The following RHOBTB2 variants were observed in gnomAD, a reference collection of about 807,000 sequenced individuals.
RHOBTB2 encodes rho-related BTB domain-containing protein 2.
A neutral mutation model predicts 66.5 loss-of-function variants in RHOBTB2; 39 were observed. The observed-to-expected ratio is 0.59, with a 90% confidence interval of 0.45 to 0.77. The LOEUF (loss-of-function observed/expected upper bound fraction) is 0.77. Ranked by LOEUF, RHOBTB2 falls within the 30% of genes least tolerant of loss-of-function variation. RHOBTB2 has a pLI of 0.00. For synonymous variants in RHOBTB2, 390 were observed against 395.0 expected (o/e 0.99, Z 0.15); for missense variants, 755 against 999.1 (o/e 0.76, Z 3.29).
At chr8:22,966,352 CA>C in the RHOBTB2 span, among the ~76,000 whole-genome samples, 6 of 147,294 alleles carry the variant, frequency 4.1e-5, no homozygotes, top group Non-Finnish European at 7.5e-5. Context: ...GACTTTGTCT[CA>C]AAAAAAAAGA....
At chr8:22,963,810 T>C in the RHOBTB2 span, among the ~76,000 whole-genome samples, 3 of 151,982 alleles carry the variant, frequency 2.0e-5, no homozygotes, top group Admixed American at 6.6e-5. Flanking sequence ...AGACAGAGTT[T>C]TGCTCTTGTT....
chr8:22,987,956 C>T (rs1264326352), intron 1 of RHOBTB2, among the ~76,000 whole-genome samples: 1 of 152,022 alleles, frequency 6.6e-6, no homozygotes, highest in East Asian at 1.9e-4. Context: ...CGGAAGGCCC[C>T]CAAGATCAAG....
chr8:22,980,720 A>G, the RHOBTB2 span, among the ~76,000 whole-genome samples: 1 of 152,194 alleles, frequency 6.6e-6, no homozygotes, highest in Admixed American at 6.5e-5. Context: ...TCCAACACCA[A>G]GTTTTTTTAA....
the RHOBTB2 span, among the ~76,000 whole-genome samples, chr8:22,969,664 C>T: frequency 6.6e-6 from 1 of 151,902 alleles, no homozygotes; most frequent in African/African-American, 2.4e-5. Context: ...TAAGGAAATG[C>T]CCAAGTATAA....
chr8:22,979,429 T>C, the RHOBTB2 span, among the ~76,000 whole-genome samples: 1 of 152,156 alleles, frequency 6.6e-6, no homozygotes, highest in African/African-American at 2.4e-5. Flanking sequence ...TTCTATCCTT[T>C]GTGTATGAAT....
rs773683352 is a variant in RHOBTB2 at position 23,007,367 on chromosome 8, C to T, written c.1122C>T (p.Asn374=). The change falls in exon 5 of 10, where the codon AAC becomes AAT. Residue 374 remains asparagine (N), a synonymous_variant. Transcript: ENST00000251822. ...CCAGCGACGGGATCTTACGGGGCAA[C>T]GGAACAGGGTACCTACCGGGCAGGG... The part of the protein sequence containing the change: ...ASTSDGILRG[N]GTGYLPGRGR... 5.5e-5 allele frequency: 88 copies of T among 1,613,694 alleles called. 1 individual carries two copies. The highest frequency in any genetic ancestry group is 4.3e-4 in the South Asian group (39 of 91,056).
chr8:22,982,654 C>A (rs1810230590), upstream of RHOBTB2, among the ~76,000 whole-genome samples: 1 of 152,152 alleles, frequency 6.6e-6, no homozygotes. Flanking sequence ...TGCACTCCAG[C>A]CTGAGAGACA....
At chr8:22,965,138 C>A in the RHOBTB2 span, among the ~76,000 whole-genome samples, 1 of 152,076 alleles carries the variant, frequency 6.6e-6, no homozygotes, top group Non-Finnish European at 1.5e-5. Flanking sequence ...TTTAGAATCT[C>A]ATTTCTAGGC....
chr8:23,013,013 G>A (rs1184620234), intron 7 of RHOBTB2, among the ~76,000 whole-genome samples: 1 of 151,734 alleles, frequency 6.6e-6, no homozygotes, highest in Non-Finnish European at 1.5e-5. Context: ...TGGCCAGGCT[G>A]GTCTTGAACT....
the RHOBTB2 span, among the ~76,000 whole-genome samples, chr8:22,954,818 A>G: frequency 6.6e-6 from 1 of 152,246 alleles, no homozygotes; most frequent in African/African-American, 2.4e-5. Context: ...ATCTAAAACA[A>G]AAACCTTTTC....
the RHOBTB2 span, among the ~76,000 whole-genome samples, chr8:22,967,527 G>A: frequency 4.4e-3 from 621 of 141,098 alleles, 3 homozygotes; most frequent in African/African-American, 0.015. Context: ...CAGAAGAATC[G>A]CTTGAACCCA....
the RHOBTB2 span, among the ~76,000 whole-genome samples, chr8:22,977,027 G>A: frequency 6.6e-6 from 1 of 150,776 alleles, no homozygotes; most frequent in South Asian, 2.2e-4. Flanking sequence ...GGCTGAGGTG[G>A]AAGAGTTGCT....
the RHOBTB2 span, among the ~76,000 whole-genome samples, chr8:22,956,748 G>A: frequency 2.0e-5 from 3 of 152,110 alleles, no homozygotes; most frequent in African/African-American, 7.2e-5. Flanking sequence ...TGCAACCTCC[G>A]CCTCCCGGAT....
At chr8:23,003,082 C>G (rs1810833251) in intron 1 of RHOBTB2, among the ~76,000 whole-genome samples, 1 of 152,184 alleles carries the variant, frequency 6.6e-6, no homozygotes, top group South Asian at 2.1e-4. Flanking sequence ...CTCAGCCTTC[C>G]TTAGCCTAGG....
chr8:23,001,210 G>T (rs1211334185), intron 1 of RHOBTB2, among the ~76,000 whole-genome samples: 1 of 152,138 alleles, frequency 6.6e-6, no homozygotes, highest in African/African-American at 2.4e-5. Context: ...GGGTTGTGAT[G>T]CCCAGGGCTG....
At chr8:22,955,288 T>G in the RHOBTB2 span, among the ~76,000 whole-genome samples, 1 of 152,094 alleles carries the variant, frequency 6.6e-6, no homozygotes, top group Non-Finnish European at 1.5e-5. Flanking sequence ...AGACTGTGAG[T>G]GCAAATGACT....
At position 23,020,181 on chromosome 8, in the gene RHOBTB2, A is replaced by G. The variant is rs987402985; in HGVS notation, c.*2712A>G. The G allele has an allele frequency of 4.9e-5, 21 of 428,172 alleles. No individual in the cohort carries two copies. The highest frequency in any genetic ancestry group is 2.5e-4 in the Admixed American group (10 of 39,222). The allele number at this position is 428,172 out of a possible 1,614,324, so 26.5% of individuals were successfully genotyped here. Reference sequence around the variant, plus strand: ...AATTTGGTCATGGATTCATAAATACATAAGTATTTTGTACACAATGTGCTT... The same window carrying G: ...AATTTGGTCATGGATTCATAAATACGTAAGTATTTTGTACACAATGTGCTT... On this transcript the variant is annotated 3_prime_UTR_variant, in exon 10 of 10. Coordinates refer to ENST00000251822, the MANE Select transcript of RHOBTB2 (RefSeq NM_015178.3).
rs1025363522 is a variant in RHOBTB2, at chr8:23,006,453, G to A, written c.483-275G>A. On this transcript the variant is annotated intron_variant, in intron 4 of 9. Coordinates refer to ENST00000251822, the MANE Select transcript of RHOBTB2 (RefSeq NM_015178.3). The surrounding 1 kb of genome is among the most constrained non-coding windows in gnomAD (Gnocchi z 6.1). The stretch of plus-strand genomic sequence containing the variant: ...ATGTGAGCATGTTAAATACCCATGT[G>A]AAGCATTGCCTGCTAATTGCCAGAG... 3 of 565,150 alleles carry A rather than the reference G, an allele frequency of 5.3e-6. No homozygotes were observed. Among genetic ancestry groups the A allele is most frequent in the African/African-American group, 3.7e-5 (2 of 53,476 alleles). The allele number at this position is 565,150 out of a possible 1,614,324, so 35.0% of individuals were successfully genotyped here.
At chr8:22,983,933 A>G (rs1401530775), upstream of RHOBTB2, among the ~76,000 whole-genome samples, 4 of 152,226 alleles carry the variant, frequency 2.6e-5, no homozygotes, top group East Asian at 3.9e-4. Flanking sequence ...ACGGGGTTTC[A>G]CCATGTTGGC....
Sources: gnomAD v4.1 joint callset for allele counts (sites outside exome capture counted in the v4.1 genomes callset) on GRCh38, gnomAD v4.1.1 for gene constraint, Gnocchi (gnomAD v3.1) non-coding constraint, MANE v1.5 for transcripts, NCBI Gene and HGNC (gene_info 2026-07-23, HGNC 2026-07-21) for gene names.